NMT2: variants seen among roughly 807,000 people sequenced by gnomAD.
The protein encoded by NMT2 is N-myristoyltransferase 2, also known as glycylpeptide N-tetradecanoyltransferase 2.
NMT2 carries 35 observed loss-of-function variants against 65.4 expected under a neutral mutation model. The ratio of observed to expected loss-of-function variants is 0.54; its 90% CI spans 0.41 to 0.71. NMT2 has a LOEUF of 0.71. Ranked by LOEUF, NMT2 falls within the 30% of genes least tolerant of loss-of-function variation. The probability of loss-of-function intolerance (pLI) is 0.00; values close to 1 mark genes in which losing one functional copy is unlikely to be tolerated. For synonymous variants in NMT2, 226 were observed against 231.8 expected (o/e 0.98, Z 0.23); for missense variants, 489 against 611.3 (o/e 0.80, Z 2.11).
intron 1 of NMT2, among the ~76,000 whole-genome samples, chr10:15,154,375 G>A (rs1211117328): frequency 2.0e-5 from 3 of 152,320 alleles, no homozygotes; most frequent in African/African-American, 7.2e-5. Context: ...TGACTCAGGT[G>A]CAGGCTGTGT....
chr10:15,141,009 C>G (rs1046082504), intron 2 of NMT2: 2 of 1,550,988 alleles, frequency 1.3e-6, no homozygotes, highest in Non-Finnish European at 1.7e-6. Flanking sequence ...CCGCTGAAAT[C>G]TGCTGCCAGA....
intron 1 of NMT2, among the ~76,000 whole-genome samples, chr10:15,151,125 C>A (rs1832788128): frequency 6.7e-6 from 1 of 149,184 alleles, no homozygotes; most frequent in South Asian, 2.1e-4. Context: ...ATGGTGCAAT[C>A]TCGGATCACT....
At chr10:15,136,189 C>T (rs1230754722) in intron 2 of NMT2, among the ~76,000 whole-genome samples, 1 of 147,594 alleles carries the variant, frequency 6.8e-6, no homozygotes, top group Non-Finnish European at 1.5e-5. Context: ...CCATTGCACT[C>T]CAGCCTGGGT....
rs753034042 is a variant in NMT2 at position 15,112,815 on chromosome 10, G to A, written c.1319C>T (p.Ala440Val). 27 of 1,613,248 alleles carry A rather than the reference G, an allele frequency of 1.7e-5. No individual in the cohort carries two copies. The highest frequency in any genetic ancestry group is 1.7e-4 in the Middle Eastern group (1 of 6,054). ...ETPLLDLMSD[A>V]LILAKSKGFD... The stretch of plus-strand genomic sequence containing the variant: ...GCTTACCGATTTAGCCAGGATGAGC[G>A]CGTCGCTCATGAGGTCCAGCAGGGG... The change falls in exon 10 of 12, where the codon GCG becomes GTG. Residue 440 changes from alanine to valine, a missense_variant. Ala to Val is a moderately conservative substitution (Grantham distance 64, BLOSUM62 0). Transcript: ENST00000378165.
intron 1 of NMT2, chr10:15,154,812 C>T (rs771887041): frequency 1.2e-5 from 9 of 763,584 alleles, no homozygotes; most frequent in African/African-American, 3.4e-5. Flanking sequence ...GAGTTGTCCA[C>T]AGTCAGCAGT....
At chr10:15,165,536 G>A (rs188997247) in intron 1 of NMT2, among the ~76,000 whole-genome samples, 1 of 152,246 alleles carries the variant, frequency 6.6e-6, no homozygotes, top group East Asian at 1.9e-4. Flanking sequence ...ATTCATGAAA[G>A]TTTTATAGTG....
chr10:15,127,561 A>T lies in NMT2; in HGVS notation c.999+789T>A, dbSNP rs1422843291. Among the ~76,000 whole-genome samples the T allele has an allele frequency of 3.3e-3, 238 of 71,236 alleles. 11 individuals are homozygous for T. Among genetic ancestry groups the T allele is most frequent in the Middle Eastern group, 0.016 (2 of 124 alleles). 46.7% of individuals were successfully genotyped at this position (71,236 alleles called of 152,430 possible). A position where few individuals can be genotyped will look rare whatever the true frequency, so the allele number is the denominator to read the frequency against. On this transcript the variant is annotated intron_variant, in intron 8 of 11. Transcript: ENST00000378165. ...GACTCCGTCTCAAAAAAAAAAAAAA[A>T]AAAAAAAAATAAATAAATAAATAAA...
chr10:15,111,509 C>CAAAAAAAAAAAAAA (rs58537120), intron 10 of NMT2, among the ~76,000 whole-genome samples: 1 of 52,796 alleles, frequency 1.9e-5, no homozygotes, highest in Non-Finnish European at 4.0e-5. Flanking sequence ...AGACTCATCT[C>CAAAAAAAAAAAAAA]AAAAAAAAAA....
chr10:15,161,081 CAAA>C lies in NMT2; in HGVS notation c.110+7419_110+7421del, dbSNP rs750859200. ...CAGAGCGAGACTCTGCCTCAAAAAT[CAAA>C]AAAAAAAAAAAAAAAAAAAAAAAAA... On this transcript the variant is annotated intron_variant, in intron 1 of 11. Coordinates refer to ENST00000378165, the MANE Select transcript of NMT2 (RefSeq NM_004808.3). Among the ~76,000 whole-genome samples, 101 of 19,276 alleles carry C rather than the reference CAAA, an allele frequency of 5.2e-3. 1 individual carries two copies. Among genetic ancestry groups the C allele is most frequent in the African/African-American group, 0.011 (61 of 5,754 alleles). 12.6% of individuals were successfully genotyped at this position (19,276 alleles called of 152,430 possible).
At chr10:15,160,262 C>A (rs1833143268) in intron 1 of NMT2, among the ~76,000 whole-genome samples, 1 of 152,156 alleles carries the variant, frequency 6.6e-6, no homozygotes, top group African/African-American at 2.4e-5. Context: ...TTTAGTGATT[C>A]CTGGGAGGAG....
intron 2 of NMT2, chr10:15,140,962 A>C (rs1846733222): frequency 6.5e-7 from 1 of 1,545,824 alleles, no homozygotes; most frequent in Admixed American, 2.0e-5. Context: ...AAACTGGTTT[A>C]ATTCAAAGTC....
At chr10:15,168,355 C>A in intron 1 of NMT2, 148 bp downstream of exon 1, 1 of 646,558 alleles carries the variant, frequency 1.5e-6, no homozygotes, top group Non-Finnish European at 2.6e-6. Context: ...CGCCCCGGAC[C>A]TCACCATGGG....
chr10:15,109,640 C>A, intron 11 of NMT2, 62 bp downstream of exon 11: 1 of 1,280,542 alleles, frequency 7.8e-7, no homozygotes. Flanking sequence ...CTAAGTGAAG[C>A]AAGTATGAAA....
intron 11 of NMT2, among the ~76,000 whole-genome samples, chr10:15,109,417 A>T (rs1452492687): frequency 6.6e-6 from 1 of 152,156 alleles, no homozygotes; most frequent in Non-Finnish European, 1.5e-5. Context: ...TCTACTAAAA[A>T]TGAAAAAATT....
At chr10:15,150,719 A>G (rs1832773073) in intron 1 of NMT2, among the ~76,000 whole-genome samples, 1 of 152,148 alleles carries the variant, frequency 6.6e-6, no homozygotes, top group South Asian at 2.1e-4. Flanking sequence ...GCAGGTGGCT[A>G]CAGCTATTGA....
At chr10:15,167,897 G>C (rs1019729884) in intron 1 of NMT2, among the ~76,000 whole-genome samples, 1 of 152,222 alleles carries the variant, frequency 6.6e-6, no homozygotes, top group Non-Finnish European at 1.5e-5. Context: ...AGGCGAGGCG[G>C]TGCAAAGCCC....
chr10:15,139,581 C>G (rs1349781983), intron 2 of NMT2, among the ~76,000 whole-genome samples: 1 of 151,856 alleles, frequency 6.6e-6, no homozygotes, highest in African/African-American at 2.4e-5. Flanking sequence ...ATGGTGGTAT[C>G]CTCTATGAGT....
chr10:15,105,750 A>C (rs1845278740), downstream of NMT2, among the ~76,000 whole-genome samples: 1 of 152,228 alleles, frequency 6.6e-6, no homozygotes, highest in Non-Finnish European at 1.5e-5. Context: ...TGCAGTTTTA[A>C]ATCTACAAGA....
chr10:15,132,915 G>A lies in NMT2; in HGVS notation c.621C>T (p.Gly207=). 1 of 1,613,250 alleles carries A rather than the reference G, an allele frequency of 6.2e-7. No individual in the cohort carries two copies. Among genetic ancestry groups the A allele is most frequent in the Non-Finnish European group, 8.5e-7 (1 of 1,179,468 alleles). The change falls in exon 6 of 12, where the codon GGC becomes GGT. Residue 207 remains glycine (G), a synonymous_variant. Transcript: ENST00000378165. The part of the protein sequence containing the change: ...EFLLWALRPP[G]WLLQWHCGVR... ...CCCCACAGTGCCACTGCAGGAGCCA[G>A]CCTGGTGGACGCAGAGCCCTGAGGT... is the stretch of plus-strand genomic sequence containing the variant.
Sources: allele counts gnomAD v4.1 joint callset (sites outside exome capture counted in the v4.1 genomes callset), GRCh38; gene constraint gnomAD v4.1.1; transcripts MANE v1.5; gene names NCBI Gene and HGNC (gene_info 2026-07-23, HGNC 2026-07-21).